NTRK2: variants seen among roughly 807,000 people sequenced by gnomAD.
NTRK2 encodes the protein neurotrophic receptor tyrosine kinase 2.
A neutral mutation model predicts 94.5 loss-of-function variants in NTRK2; 13 were observed. The observed-to-expected ratio is 0.14, with a 90% CI of 0.09 to 0.22. The LOEUF is 0.22. Ranked by LOEUF, NTRK2 falls within the 10% of genes least tolerant of loss-of-function variation. NTRK2 has a pLI of 1.00. For synonymous variants in NTRK2, 372 were observed against 407.4 expected, an observed-to-expected ratio of 0.91 and a Z score of 1.05; for missense variants, 639 against 1,071.2, an observed-to-expected ratio of 0.60 and a Z score of 5.63.
intron 14 of NTRK2, chr9:84,873,756 A>C: frequency 1.9e-6 from 2 of 1,056,770 alleles, no homozygotes; most frequent in Non-Finnish European, 2.3e-6. Context: ...TTAGCATCTG[A>C]CCATTGGGTA....
chr9:84,929,870 A>C (rs1296134099), intron 14 of NTRK2, among the ~76,000 whole-genome samples: 1 of 152,016 alleles, frequency 6.6e-6, no homozygotes, highest in Non-Finnish European at 1.5e-5. Context: ...CCTCTTATTT[A>C]TTTCTTATTA....
chr9:84,754,052 T>C (rs148774692), intron 12 of NTRK2, among the ~76,000 whole-genome samples: 63 of 152,318 alleles, frequency 4.1e-4, no homozygotes, highest in Non-Finnish European at 7.8e-4. Context: ...ATGTTGCATA[T>C]TGAGACTCCA....
chr9:84,977,430 C>T (rs1041199012), intron 17 of NTRK2, among the ~76,000 whole-genome samples: 12 of 152,172 alleles, frequency 7.9e-5, no homozygotes, highest in Non-Finnish European at 1.5e-4. Flanking sequence ...AAGGATGCAT[C>T]CTTGCAGTAT....
Position 84,857,268 on chromosome 9 carries a change from C to A in NTRK2, c.1397-3772C>A, listed in dbSNP as rs893598472. ...ATTGGTTAATTTCATAATTTAGAGT[C>A]TTTCTTGGTCTACATTCCAAAAGGA... is the stretch of plus-strand genomic sequence containing the variant. On this transcript the variant is annotated intron_variant, in intron 12 of 18. Transcript: ENST00000277120. 2.6e-5 allele frequency among the ~76,000 whole-genome samples: 4 copies of A among 152,266 alleles called. No individual in the cohort carries two copies. In the East Asian group the frequency reaches 7.7e-4, roughly 29 times the overall value.
chr9:84,688,576 T>G (rs974208790), intron 2 of NTRK2, among the ~76,000 whole-genome samples: 5 of 152,194 alleles, frequency 3.3e-5, no homozygotes, highest in Admixed American at 1.3e-4. Context: ...CAGCAGTCAA[T>G]GAGAATTGTT....
At chr9:84,835,977 A>G (rs1178830429) in intron 12 of NTRK2, among the ~76,000 whole-genome samples, 2 of 152,214 alleles carry the variant, frequency 1.3e-5, no homozygotes, top group Admixed American at 1.3e-4. Context: ...ATTTACTGGC[A>G]TGGCTCGTGT....
At chr9:84,705,804 TTA>T (rs1239983710) in intron 4 of NTRK2, among the ~76,000 whole-genome samples, 184 of 150,224 alleles carry the variant, frequency 1.2e-3, no homozygotes, top group African/African-American at 4.3e-3. Context: ...TTTTTTTTTT[TTA>T]AAGAAGGAGT....
intron 14 of NTRK2, among the ~76,000 whole-genome samples, chr9:84,886,770 A>G (rs780568023): frequency 1.2e-4 from 18 of 152,254 alleles, no homozygotes; most frequent in South Asian, 8.3e-4. Flanking sequence ...TCTTGCTTCT[A>G]GATTTTGCTT....
intron 16 of NTRK2, among the ~76,000 whole-genome samples, chr9:84,951,513 CGT>C (rs1244894576): frequency 6.6e-6 from 1 of 152,054 alleles, no homozygotes; most frequent in African/African-American, 2.4e-5. Context: ...TAAATGCTTC[CGT>C]GAGCTCACAG....
At chr9:84,779,934 A>G (rs2067402215) in intron 12 of NTRK2, among the ~76,000 whole-genome samples, 3 of 152,196 alleles carry the variant, frequency 2.0e-5, no homozygotes, top group African/African-American at 7.2e-5. Flanking sequence ...GATACTCTGG[A>G]CCACCAACAC....
At chr9:84,959,500 G>T (rs1027833630) in intron 17 of NTRK2, among the ~76,000 whole-genome samples, 1 of 152,172 alleles carries the variant, frequency 6.6e-6, no homozygotes. Flanking sequence ...CAGGAGGGGC[G>T]GGTGGCAGCT....
intron 14 of NTRK2, among the ~76,000 whole-genome samples, chr9:84,891,608 T>C (rs1283758911): frequency 1.3e-5 from 2 of 152,202 alleles, no homozygotes; most frequent in African/African-American, 2.4e-5. Flanking sequence ...TTTTCTCAGC[T>C]GAAAGGTTAG....
chr9:84,737,053 T>C (rs1477080014), intron 9 of NTRK2, among the ~76,000 whole-genome samples: 2 of 152,236 alleles, frequency 1.3e-5, no homozygotes, highest in Non-Finnish European at 1.5e-5. Flanking sequence ...GAAATATTTT[T>C]CAGGATCACA....
At position 84,814,877 on chromosome 9, in the gene NTRK2, A is replaced by G. The variant is rs547274345; in HGVS notation, c.1397-46163A>G. 16 of 1,062,566 alleles carry G rather than the reference A, an allele frequency of 1.5e-5. No homozygotes were observed. The African/African-American group carries it at 1.6e-4, about 11-fold the overall frequency. 65.8% of individuals were successfully genotyped at this position (1,062,566 alleles called of 1,614,324 possible). A position where few individuals can be genotyped will look rare whatever the true frequency, so the allele number is the denominator to read the frequency against. On this transcript the variant is annotated intron_variant, in intron 12 of 18. Coordinates refer to ENST00000277120, the MANE Select transcript of NTRK2 (RefSeq NM_006180.6). ...GCGCAGCTTAGCTGACTTGACTCCA[A>G]GGAAATTAGTACAGAAGTAACCACT...
chr9:84,840,645 C>T (rs547540458), intron 12 of NTRK2, among the ~76,000 whole-genome samples: 1 of 152,234 alleles, frequency 6.6e-6, no homozygotes, highest in South Asian at 2.1e-4. Flanking sequence ...TTCCTCTATT[C>T]CTCATGTCTG....
chr9:85,011,670 C>A (rs925866644), intron 17 of NTRK2, among the ~76,000 whole-genome samples: 6 of 152,178 alleles, frequency 3.9e-5, no homozygotes, highest in African/African-American at 4.8e-5. Flanking sequence ...CTTCTAGCCT[C>A]TAAAACTGTA....
At chr9:84,913,583 T>C (rs964017786) in intron 14 of NTRK2, among the ~76,000 whole-genome samples, 1 of 152,182 alleles carries the variant, frequency 6.6e-6, no homozygotes, top group African/African-American at 2.4e-5. Flanking sequence ...TTTTTTATTT[T>C]CATCACTTGA....
intron 14 of NTRK2, among the ~76,000 whole-genome samples, chr9:84,896,660 G>A (rs969540110): frequency 2.0e-4 from 31 of 152,314 alleles, no homozygotes; most frequent in Non-Finnish European, 3.2e-4. Flanking sequence ...TTAACAAAAT[G>A]CTTTTTTCCC....
intron 12 of NTRK2, among the ~76,000 whole-genome samples, chr9:84,785,357 A>C (rs1487505402): frequency 6.6e-6 from 1 of 152,220 alleles, no homozygotes; most frequent in Non-Finnish European, 1.5e-5. Context: ...TGATAGTTGG[A>C]AGACAGAGGA....
Sources: allele counts gnomAD v4.1 joint callset (sites outside exome capture counted in the v4.1 genomes callset), GRCh38; gene constraint gnomAD v4.1.1; transcripts MANE v1.5; gene names NCBI Gene and HGNC (gene_info 2026-07-23, HGNC 2026-07-21).